The following MAPK8IP3 variants were observed in gnomAD, a reference collection of about 807,000 sequenced individuals.
MAPK8IP3 encodes the protein mitogen-activated protein kinase 8 interacting protein 3.
A neutral mutation model predicts 157.8 loss-of-function variants in MAPK8IP3; 49 were observed. That is an observed-to-expected ratio of 0.31 (90% CI 0.25 to 0.39). The LOEUF (loss-of-function observed/expected upper bound fraction) is 0.39. Ranked by LOEUF, MAPK8IP3 falls within the 10% of genes least tolerant of loss-of-function variation. MAPK8IP3 has a pLI of 1.00. For synonymous variants in MAPK8IP3, 897 were observed against 777.7 expected, an observed-to-expected ratio of 1.15 and a Z score of -2.55; for missense variants, 1,478 against 1,889.4, an observed-to-expected ratio of 0.78 and a Z score of 4.04.
intron 9 of MAPK8IP3, 126 bp downstream of exon 9, chr16:1,758,285 C>T: frequency 9.1e-7 from 1 of 1,095,348 alleles, no homozygotes; most frequent in Non-Finnish European, 1.3e-6. Flanking sequence ...CGCAGCGCCT[C>T]TGCTTCTGCT....
Position 1,766,553 on chromosome 16 carries a change from C to T in MAPK8IP3, c.2844C>T (p.Ser948=), listed in dbSNP as rs779084092. ...GCGAGAACGGGCCAGAGCCTGACAG[C>T]AGCAGCACACGGCCAGAGCCAGAGC... ...PGSENGPEPD[S]SSTRPEPEPS... is the part of the protein sequence containing the mutation. Residue 948 remains serine, a synonymous_variant, in exon 23 of 32, where the codon AGC becomes AGT. Coordinates refer to ENST00000610761, the MANE Select transcript of MAPK8IP3 (RefSeq NM_001318852.2). 1 of 1,612,186 alleles carries T rather than the reference C, an allele frequency of 6.2e-7. No homozygotes were observed. The highest frequency in any genetic ancestry group is 1.7e-5 in the Admixed American group (1 of 60,020).
intron 1 of MAPK8IP3, among the ~76,000 whole-genome samples, chr16:1,708,742 C>T (rs2037563315): frequency 6.6e-6 from 1 of 152,096 alleles, no homozygotes; most frequent in Non-Finnish European, 1.5e-5. Flanking sequence ...GAGCCGAGCC[C>T]CGAAGCCAGC....
At chr16:1,760,679 C>A in intron 12 of MAPK8IP3, 147 bp downstream of exon 12, 1 of 1,018,450 alleles carries the variant, frequency 9.8e-7, no homozygotes, top group Non-Finnish European at 1.4e-6. Context: ...GCCACTCCAC[C>A]CCAACCAGCA....
chr16:1,743,964 C>T lies in MAPK8IP3; in HGVS notation c.747+488C>T. 2.0e-6 allele frequency: 2 copies of T among 1,001,390 alleles called. No individual in the cohort carries two copies. The highest frequency in any genetic ancestry group is 2.4e-6 in the Non-Finnish European group (2 of 840,586). The allele number at this position is 1,001,390 out of a possible 1,614,324, so 62.0% of individuals were successfully genotyped here. On this transcript the variant is annotated intron_variant, in intron 5 of 31. Transcript: ENST00000610761. This position sits in a 1 kb window ranked among gnomAD's most constrained non-coding sequence, Gnocchi z 5.6. ...AGGAGAAAGCTCCTCTTCTCTGGGC[C>T]CCTCCCTGCCTGTCCCTGGTAACGC...
chr16:1,758,995 G>C lies in MAPK8IP3; in HGVS notation c.1246G>C (p.Gly416Arg). 1 of 1,614,160 alleles carries C rather than the reference G, an allele frequency of 6.2e-7. No individual in the cohort carries two copies. Among genetic ancestry groups the C allele is most frequent in the Non-Finnish European group, 8.5e-7 (1 of 1,180,010 alleles). ...CTCCCTAGTGCGCGATGATTTCTTT[G>C]GTAAGGCTGAGGCCCCGTTCCAGCG... ...GEFSVRDDFFGMGKEVGNLLL... is the reference protein window; with the variant it reads ...GEFSVRDDFFRMGKEVGNLLL... The change falls in exon 10 of 32, where the codon GGA becomes CGA. Residue 416 changes from glycine (G) to arginine (R), a missense_variant and splice_region_variant. Gly to Arg is a moderately radical substitution (Grantham distance 125). This residue lies in a region of MAPK8IP3 where 315 missense variants were observed against 394.4 expected (regional missense o/e 0.80). Transcript: ENST00000610761.
rs898315120 is a variant in MAPK8IP3, at chr16:1,710,970, G to A, written c.318+4313G>A. Among the ~76,000 whole-genome samples, 2 of 152,220 alleles carry A rather than the reference G, an allele frequency of 1.3e-5. No individual in the cohort carries two copies. Among genetic ancestry groups the A allele is most frequent in the African/African-American group, 2.4e-5 (1 of 41,448 alleles). On this transcript the variant is annotated intron_variant, in intron 1 of 31. Transcript: ENST00000610761. The surrounding 1 kb of genome is among the most constrained non-coding windows in gnomAD (Gnocchi z 4.1). Reference sequence around the variant, plus strand: ...TACCTGCCAGCCAGAGAGAACACGGGACAGAGGCCGAAGTGGCCCGGAGGC... The same window carrying A: ...TACCTGCCAGCCAGAGAGAACACGGAACAGAGGCCGAAGTGGCCCGGAGGC...
intron 4 of MAPK8IP3, among the ~76,000 whole-genome samples, chr16:1,730,043 A>T (rs1241429037): frequency 2.6e-5 from 3 of 116,092 alleles, no homozygotes; most frequent in African/African-American, 1.2e-4. Flanking sequence ...TCTTGTCTCT[A>T]CAAAAAAAAA....
At chr16:1,752,529 G>C in intron 8 of MAPK8IP3, 1 of 348,542 alleles carries the variant, frequency 2.9e-6, no homozygotes. Flanking sequence ...GATCACCTGC[G>C]CCTAGGAGTT....
rs763451846 is a variant in MAPK8IP3 at position 1,766,603 on chromosome 16, G to C, written c.2894G>C (p.Gly965Ala). 4 of 1,612,426 alleles carry C rather than the reference G, an allele frequency of 2.5e-6. No individual in the cohort carries two copies. The highest frequency in any genetic ancestry group is 3.4e-6 in the Non-Finnish European group (4 of 1,179,842). Residue 965 changes from glycine (G) to alanine (A), a missense_variant, in exon 23 of 32, where the codon GGC (glycine) becomes GCC (alanine). By Grantham distance (60) the Gly-to-Ala change is moderately conservative. This residue lies in a region of MAPK8IP3 where 669 missense variants were observed against 759.8 expected (regional missense o/e 0.88). Transcript: ENST00000610761. Reference sequence around the variant, plus strand: ...CCCAGCGGGGACCCCACGGGAGCAGGCAGCAGTGCTGCACCCACCATGTGG... The same window carrying C: ...CCCAGCGGGGACCCCACGGGAGCAGCCAGCAGTGCTGCACCCACCATGTGG... ...PEPSGDPTGA[G>A]SSAAPTMWLG... is the part of the protein sequence containing the mutation.
chr16:1,744,726 G>GGGCCCGCTCTT, intron 5 of MAPK8IP3: 1 of 985,488 alleles, frequency 1.0e-6, no homozygotes, highest in Non-Finnish European at 1.2e-6. Flanking sequence ...CGCCCGCTCT[G>GGGCCCGCTCTT]GGCCCGCTCT....
chr16:1,730,132 C>A lies in MAPK8IP3; in HGVS notation c.602+554C>A, dbSNP rs533482756. ...TTCTAGGACATACTGCCTCAAATAA[C>A]TACCTGTAGTCCCAGCTACTCAGGA... On this transcript the variant is annotated intron_variant, in intron 4 of 31. Coordinates refer to ENST00000610761, the MANE Select transcript of MAPK8IP3 (RefSeq NM_001318852.2). Among the ~76,000 whole-genome samples the A allele has an allele frequency of 4.7e-5, 7 of 147,392 alleles. No individual in the cohort carries two copies. The East Asian group carries it at 1.3e-3, about 26-fold the overall frequency.
At chr16:1,759,493 C>T (rs955408477) in intron 10 of MAPK8IP3, among the ~76,000 whole-genome samples, 1 of 152,160 alleles carries the variant, frequency 6.6e-6, no homozygotes, top group Non-Finnish European at 1.5e-5. Context: ...GAGGAGCCTT[C>T]AGTCCTGCCA....
chr16:1,728,322 G>A (rs2039039389), intron 2 of MAPK8IP3, among the ~76,000 whole-genome samples: 1 of 152,222 alleles, frequency 6.6e-6, no homozygotes, highest in Non-Finnish European at 1.5e-5. Flanking sequence ...CTCGGCGTGT[G>A]TGAGGGACCT....
rs534424675 is a variant in MAPK8IP3, at chr16:1,747,812, C to T, written c.995-432C>T. ...CCCCACTAACCAGTAACCTGCATCGCCCCACGGCACACAGTCCCACTAACC... is the reference window on the plus strand; with the variant it reads ...CCCCACTAACCAGTAACCTGCATCGTCCCACGGCACACAGTCCCACTAACC... On this transcript the variant is annotated intron_variant, in intron 6 of 31. Coordinates refer to ENST00000610761, the MANE Select transcript of MAPK8IP3 (RefSeq NM_001318852.2). Among the ~76,000 whole-genome samples the T allele has an allele frequency of 2.7e-4, 41 of 152,118 alleles. No individual in the cohort carries two copies. The South Asian group carries it at 8.5e-3, about 32-fold the overall frequency.
rs771512556 is a variant in MAPK8IP3 at position 1,767,927 on chromosome 16, C to G, written c.3523+9C>G. The G allele has an allele frequency of 6.2e-7, 1 of 1,609,786 alleles. No individual in the cohort carries two copies. Among genetic ancestry groups the G allele is most frequent in the Non-Finnish European group, 8.5e-7 (1 of 1,178,894 alleles). ...CATCCCCCTGACAGAGAGTGAGTGG[C>G]CTGCACACCTGCAGGGGCAGTGGTG... On this transcript the variant is annotated intron_variant, in intron 28 of 31. Transcript: ENST00000610761.
At chr16:1,716,838 C>T (rs1025398455) in intron 1 of MAPK8IP3, among the ~76,000 whole-genome samples, 2 of 152,162 alleles carry the variant, frequency 1.3e-5, no homozygotes, top group Non-Finnish European at 2.9e-5. Context: ...GCAGGCGGAT[C>T]ACGAGGTCAA....
At position 1,767,846 on chromosome 16, in the gene MAPK8IP3, C is replaced by T. The variant is rs2141957240; in HGVS notation, c.3451C>T (p.Leu1151=). The stretch of plus-strand genomic sequence containing the variant: ...TTTCTCCTTCGTACGCATCACGGCC[C>T]TGCTTGTCGCGGGCAGCCGGCTCTG... The part of the protein sequence containing the change: ...LGFSFVRITA[L]LVAGSRLWVG... Residue 1151 remains leucine (L), a synonymous_variant, in exon 28 of 32, where the codon CTG becomes TTG. Coordinates refer to ENST00000610761, the MANE Select transcript of MAPK8IP3 (RefSeq NM_001318852.2). 4 of 1,611,530 alleles carry T rather than the reference C, an allele frequency of 2.5e-6. No individual in the cohort carries two copies. In the Admixed American group the frequency reaches 6.7e-5, roughly 27 times the overall value.
At chr16:1,735,692 T>TGTGTGACCGCCCATGTGAGCATCC (rs1567162334) in intron 4 of MAPK8IP3, among the ~76,000 whole-genome samples, 17 of 123,778 alleles carry the variant, frequency 1.4e-4, no homozygotes, top group African/African-American at 5.5e-4. Context: ...TGTGAGCGTC[T>TGTGTGACCGCCCATGTGAGCATCC]GTGTGCCTGT....
At chr16:1,753,244 G>A (rs1471670386) in intron 8 of MAPK8IP3, among the ~76,000 whole-genome samples, 2 of 152,116 alleles carry the variant, frequency 1.3e-5, no homozygotes, top group Non-Finnish European at 2.9e-5. Context: ...GTATTCCATC[G>A]AATCTCAGAC....
Sources: allele counts gnomAD v4.1 joint callset (sites outside exome capture counted in the v4.1 genomes callset), GRCh38; gene constraint gnomAD v4.1.1; regional missense constraint gnomAD v4.1.1; non-coding constraint Gnocchi (gnomAD v3.1); transcripts MANE v1.5; gene names NCBI Gene and HGNC (gene_info 2026-07-23, HGNC 2026-07-21).